Variants in TRAPPC9 observed in about 807,000 individuals in gnomAD.
The protein encoded by TRAPPC9 is trafficking protein particle complex subunit 9.
In TRAPPC9, 83 loss-of-function variants were observed where a neutral mutation model predicts 124.0. The observed-to-expected ratio is 0.67, with a 90% CI of 0.56 to 0.80. The LOEUF (loss-of-function observed/expected upper bound fraction) is 0.80, where lower values mean the gene tolerates loss of function less well. Ranked by LOEUF, TRAPPC9 falls within the 30% of genes least tolerant of loss-of-function variation. TRAPPC9 has a pLI of 0.00. For missense variants in TRAPPC9, 1,302 were observed against 1,508.3 expected, an observed-to-expected ratio of 0.86 and a Z score of 2.27; for synonymous variants, 638 against 617.5, an observed-to-expected ratio of 1.03 and a Z score of -0.49.
At chr8:140,430,177 G>A (rs2070587645) in intron 4 of TRAPPC9, among the ~76,000 whole-genome samples, 1 of 151,918 alleles carries the variant, frequency 6.6e-6, no homozygotes, top group Admixed American at 6.6e-5. Context: ...ATCTGTTACA[G>A]TGATTTTACA....
intron 18 of TRAPPC9, among the ~76,000 whole-genome samples, chr8:140,014,868 C>T (rs1839363717): frequency 6.6e-6 from 1 of 152,210 alleles, no homozygotes; most frequent in Non-Finnish European, 1.5e-5. Context: ...CGACGCAACA[C>T]CCAGGGCATG....
intron 7 of TRAPPC9, among the ~76,000 whole-genome samples, chr8:140,378,447 A>T (rs1375179613): frequency 1.3e-5 from 2 of 152,134 alleles, no homozygotes; most frequent in African/African-American, 4.8e-5. Flanking sequence ...ATGCTTCCCC[A>T]ACTAGAACAT....
intron 19 of TRAPPC9, among the ~76,000 whole-genome samples, chr8:139,952,541 C>A (rs1019231333): frequency 6.6e-6 from 1 of 152,110 alleles, no homozygotes; most frequent in Non-Finnish European, 1.5e-5. Context: ...GGGCTCTCCC[C>A]GGGAGCAGTG....
intron 17 of TRAPPC9, chr8:140,082,220 T>C (rs745694938): frequency 1.3e-5 from 2 of 151,354 alleles, no homozygotes; most frequent in Non-Finnish European, 2.9e-5. Context: ...AAAAGCTACA[T>C]GTTTTTCTGA....
At position 140,433,747 on chromosome 8, in the gene TRAPPC9, C is replaced by CA. The variant is rs2070727932; in HGVS notation, c.859+1364dup. 2.0e-5 allele frequency among the ~76,000 whole-genome samples: 3 copies of CA among 152,214 alleles called. No individual in the cohort carries two copies. In the South Asian group the frequency reaches 6.2e-4, roughly 32 times the overall value. On this transcript the variant is annotated intron_variant, in intron 4 of 22. Coordinates refer to ENST00000438773, the MANE Select transcript of TRAPPC9 (RefSeq NM_001160372.4). Reference sequence around the variant, plus strand: ...AAAAAAATCAAAATTTTCTCAATCACAAAAAAGATAAGCCTGAGGCAGAAG... The same window carrying CA: ...AAAAAAATCAAAATTTTCTCAATCACAAAAAAAGATAAGCCTGAGGCAGAAG...
chr8:140,433,488 G>T (rs2070720311), intron 4 of TRAPPC9, among the ~76,000 whole-genome samples: 1 of 152,094 alleles, frequency 6.6e-6, no homozygotes, highest in Non-Finnish European at 1.5e-5. Context: ...TACTCGGGAG[G>T]CTGAGGCAGG....
intron 19 of TRAPPC9, among the ~76,000 whole-genome samples, chr8:139,926,614 A>AT (rs1387755447): frequency 2.0e-5 from 3 of 151,552 alleles, no homozygotes; most frequent in Non-Finnish European, 4.4e-5. Context: ...AAATAAAAAA[A>AT]AAAAAAAAAC....
At chr8:139,906,058 G>A (rs11166936) in intron 20 of TRAPPC9, among the ~76,000 whole-genome samples, 29,667 of 151,710 alleles carry the variant, frequency 0.2, 2,966 homozygotes, top group East Asian at 0.28. Flanking sequence ...TGTGGCCACT[G>A]TACTCCAGCC....
At chr8:139,965,371 G>T (rs1835634208) in intron 19 of TRAPPC9, among the ~76,000 whole-genome samples, 1 of 152,138 alleles carries the variant, frequency 6.6e-6, no homozygotes, top group African/African-American at 2.4e-5. Flanking sequence ...ACACCCTGGG[G>T]TGCTGCAGCA....
intron 17 of TRAPPC9, among the ~76,000 whole-genome samples, chr8:140,081,211 C>T (rs1352189422): frequency 1.3e-5 from 2 of 152,200 alleles, no homozygotes; most frequent in Non-Finnish European, 2.9e-5. Flanking sequence ...AGTCCACTAC[C>T]ACATCTCAGG....
At chr8:139,885,252 A>G (rs1222878901) in intron 21 of TRAPPC9, among the ~76,000 whole-genome samples, 5 of 152,236 alleles carry the variant, frequency 3.3e-5, no homozygotes, top group African/African-American at 1.2e-4. Flanking sequence ...CAATGTAGAA[A>G]GGCACAGTGT....
At chr8:140,423,618 TATACACATATAC>T (rs1480120887) in intron 5 of TRAPPC9, among the ~76,000 whole-genome samples, 1 of 126,534 alleles carries the variant, frequency 7.9e-6, no homozygotes, top group African/African-American at 3.2e-5. Context: ...ACATCACATA[TATACACATATAC>T]ATACACATAT....
At chr8:140,044,771 G>C (rs71514664) in intron 17 of TRAPPC9, among the ~76,000 whole-genome samples, 122 of 152,346 alleles carry the variant, frequency 8.0e-4, no homozygotes, top group Non-Finnish European at 1.4e-3. Context: ...TCCCGCAGAT[G>C]CTCTTTATTT....
chr8:139,813,967 C>T (rs1219423162), intron 21 of TRAPPC9, among the ~76,000 whole-genome samples: 3 of 149,524 alleles, frequency 2.0e-5, no homozygotes, highest in African/African-American at 5.1e-5. Flanking sequence ...GCCCAGGGGT[C>T]GGTGAGGGTG....
chr8:140,151,185 G>A (rs922072470), intron 17 of TRAPPC9, among the ~76,000 whole-genome samples: 7 of 152,174 alleles, frequency 4.6e-5, no homozygotes, highest in East Asian at 3.9e-4. Context: ...ACAACTCAGC[G>A]CTGGTGGGGA....
At chr8:139,934,161 T>C (rs1833369597) in intron 19 of TRAPPC9, among the ~76,000 whole-genome samples, 1 of 152,144 alleles carries the variant, frequency 6.6e-6, no homozygotes. Context: ...ATGCTTTGTG[T>C]GCCGACACTA....
chr8:140,142,767 T>A (rs536349913), intron 17 of TRAPPC9, among the ~76,000 whole-genome samples: 1 of 152,344 alleles, frequency 6.6e-6, no homozygotes, highest in South Asian at 2.1e-4. Flanking sequence ...CGTTATTAGT[T>A]TACTGGCCTA....
At chr8:140,343,843 C>A (rs2132074111) in intron 9 of TRAPPC9, among the ~76,000 whole-genome samples, 1 of 152,234 alleles carries the variant, frequency 6.6e-6, no homozygotes. Context: ...AAAGCATTGT[C>A]CCTGAGAACT....
At chr8:139,778,433 A>C (rs1821545770) in intron 21 of TRAPPC9, among the ~76,000 whole-genome samples, 1 of 152,358 alleles carries the variant, frequency 6.6e-6, no homozygotes, top group Non-Finnish European at 1.5e-5. Flanking sequence ...ATGCAAAGAA[A>C]CAGAAAAATA....
Sources: gnomAD v4.1 joint callset for allele counts (sites outside exome capture counted in the v4.1 genomes callset) on GRCh38, gnomAD v4.1.1 for gene constraint, MANE v1.5 for transcripts, NCBI Gene and HGNC (gene_info 2026-07-23, HGNC 2026-07-21) for gene names.